Variants in FBN1 observed in about 807,000 individuals in gnomAD.
FBN1 encodes the protein fibrillin-1.
Under a neutral mutation model 365.1 loss-of-function variants are expected in FBN1, and 29 were observed. The observed-to-expected ratio is 0.08, with a 90% CI of 0.06 to 0.11. The LOEUF is 0.11. FBN1 is among the 10% of genes least tolerant of loss of function. FBN1 has a pLI of 1.00. For synonymous variants in FBN1, 1,210 were observed against 1,270.5 expected (o/e 0.95, Z 1.01); for missense variants, 2,476 against 3,703.2 (o/e 0.67, Z 8.60).
At chr15:48,435,804 GTGTGTGTA>G (rs200698171) in intron 53 of FBN1, among the ~76,000 whole-genome samples, 4 of 148,056 alleles carry the variant, frequency 2.7e-5, no homozygotes, top group East Asian at 2.0e-4. Context: ...GTGTGTGTGT[GTGTGTGTA>G]TATATGCCTT....
At chr15:48,536,178 T>C (rs1279060438) in intron 7 of FBN1, among the ~76,000 whole-genome samples, 1 of 152,182 alleles carries the variant, frequency 6.6e-6, no homozygotes, top group African/African-American at 2.4e-5. Context: ...AAAATAGCAA[T>C]ATAACTGCCA....
In FBN1 at chr15:48,409,178, G is replaced by A. The variant is rs977560524; in HGVS notation, c.*1812C>T. On this transcript the variant is annotated 3_prime_UTR_variant, in exon 66 of 66. Transcript: ENST00000316623. ...ATCTTTGTCCAATGGTTGCCATTAAGCCTAGACTGAAACTCTTCTATCTTG... is the reference window on the plus strand; with the variant it reads ...ATCTTTGTCCAATGGTTGCCATTAAACCTAGACTGAAACTCTTCTATCTTG... 6.6e-6 allele frequency: 1 copy of A among 152,206 alleles called. No homozygotes were observed. Among genetic ancestry groups the A allele is most frequent in the Non-Finnish European group, 1.5e-5 (1 of 68,036 alleles). The allele number at this position is 152,206 out of a possible 1,614,324, so 9.4% of individuals were successfully genotyped here.
intron 8 of FBN1, chr15:48,529,605 G>C (rs1207315874): frequency 1.3e-5 from 2 of 152,142 alleles, no homozygotes; most frequent in Non-Finnish European, 2.9e-5. Flanking sequence ...ACCTGATCCT[G>C]ACTGCCTAGA....
chr15:48,437,582 T>C (rs887157549), intron 51 of FBN1, 186 bp downstream of exon 51: 3 of 804,084 alleles, frequency 3.7e-6, no homozygotes, highest in Non-Finnish European at 6.0e-6. Context: ...CATCTGTGAT[T>C]CATGACATAA....
At chr15:48,499,815 T>G (rs902223783) in intron 17 of FBN1, among the ~76,000 whole-genome samples, 11 of 152,160 alleles carry the variant, frequency 7.2e-5, no homozygotes, top group African/African-American at 2.7e-4. Context: ...GAAACTAGTG[T>G]CCCCTTAAGT....
chr15:48,488,277 C>A, intron 26 of FBN1, 36 bp from the exon 27 acceptor site: 2 of 1,614,178 alleles, frequency 1.2e-6, no homozygotes, highest in Non-Finnish European at 1.7e-6. Flanking sequence ...AAATGAGTCT[C>A]AGGACAGCCT....
chr15:48,415,851 C>T, intron 63 of FBN1, 84 bp from the exon 64 acceptor site: 1 of 1,150,626 alleles, frequency 8.7e-7, no homozygotes, highest in South Asian at 1.2e-5. Context: ...TTGCTGCCGG[C>T]CAGCTGGCCC....
chr15:48,550,958 T>C (rs2044136397), intron 6 of FBN1, among the ~76,000 whole-genome samples: 1 of 144,838 alleles, frequency 6.9e-6, no homozygotes, highest in Non-Finnish European at 1.5e-5. Flanking sequence ...AGCACTCAAG[T>C]ATTTATGAAT....
chr15:48,471,013 A>C (rs558344318), intron 35 of FBN1, among the ~76,000 whole-genome samples: 1 of 152,104 alleles, frequency 6.6e-6, no homozygotes, highest in South Asian at 2.1e-4. Context: ...TCTCATTTGT[A>C]GTGTTCCACG....
intron 2 of FBN1, among the ~76,000 whole-genome samples, chr15:48,625,367 C>CT (rs1889855856): frequency 1.3e-5 from 2 of 152,260 alleles, no homozygotes; most frequent in South Asian, 4.1e-4. Flanking sequence ...CAGAGGAAAA[C>CT]TTGGCCACTC....
chr15:48,579,389 A>T (rs186756192), intron 6 of FBN1, among the ~76,000 whole-genome samples: 14 of 152,336 alleles, frequency 9.2e-5, no homozygotes, highest in Admixed American at 8.5e-4. Context: ...CTGAATTTTA[A>T]TAATGGCCAT....
At chr15:48,534,003 C>T in intron 8 of FBN1, 77 bp downstream of exon 8, 1 of 1,589,118 alleles carries the variant, frequency 6.3e-7, no homozygotes, top group East Asian at 2.3e-5. Context: ...GAATAATTTG[C>T]AAACAAGCTT....
chr15:48,472,780 A>G (rs536349245), intron 34 of FBN1, 104 bp from the exon 35 acceptor site: 2 of 1,475,804 alleles, frequency 1.4e-6, no homozygotes, highest in Non-Finnish European at 9.4e-7. Flanking sequence ...CATAACTTCA[A>G]TTTGACACAT....
chr15:48,544,524 T>A (rs1449747060), intron 6 of FBN1, among the ~76,000 whole-genome samples: 1 of 152,254 alleles, frequency 6.6e-6, no homozygotes, highest in Non-Finnish European at 1.5e-5. Flanking sequence ...ATTACCACTA[T>A]GACTTAAATG....
chr15:48,509,215 G>T (rs933479141), intron 14 of FBN1, among the ~76,000 whole-genome samples: 2 of 151,908 alleles, frequency 1.3e-5, no homozygotes, highest in African/African-American at 2.4e-5. Context: ...GTAAAAAGTG[G>T]ACTTTTAGAA....
At position 48,624,021 on chromosome 15, in the gene FBN1, TAGAA is replaced by T. The variant is rs370729294; in HGVS notation, c.165-10933_165-10930del. 5.3e-3 allele frequency among the ~76,000 whole-genome samples: 787 copies of T among 148,658 alleles called. 7 individuals carry two copies. Among genetic ancestry groups the T allele is most frequent in the African/African-American group, 0.019 (751 of 40,270 alleles). ...CGCACAGCCTAAGAAAATTAGGAAA[TAGAA>T]AGCTGAAAAGGCAGTTCCTCGGATC... is the stretch of plus-strand genomic sequence containing the variant. On this transcript the variant is annotated intron_variant, in intron 2 of 65. Coordinates refer to ENST00000316623, the MANE Select transcript of FBN1 (RefSeq NM_000138.5).
At chr15:48,464,508 T>G (rs2043304784) in intron 40 of FBN1, among the ~76,000 whole-genome samples, 1 of 152,000 alleles carries the variant, frequency 6.6e-6, no homozygotes, top group Admixed American at 6.6e-5. Context: ...AGAGCAAGAC[T>G]CTGTCTCGAA....
At chr15:48,430,845 T>C in intron 55 of FBN1, 43 bp from the exon 56 acceptor site, 4 of 1,600,310 alleles carry the variant, frequency 2.5e-6, no homozygotes, top group Non-Finnish European at 3.4e-6. Context: ...AGAAAATGCA[T>C]ATATCTGCCT....
At chr15:48,527,498 C>G (rs1462842727) in intron 8 of FBN1, among the ~76,000 whole-genome samples, 1 of 152,198 alleles carries the variant, frequency 6.6e-6, no homozygotes, top group Admixed American at 6.5e-5. Flanking sequence ...AGCCAGGCCT[C>G]CTGGGAGTAT....
Sources: allele counts gnomAD v4.1 joint callset (sites outside exome capture counted in the v4.1 genomes callset), GRCh38; gene constraint gnomAD v4.1.1; transcripts MANE v1.5; gene names NCBI Gene and HGNC (gene_info 2026-07-23, HGNC 2026-07-21).